Variants in RPL27 observed in about 807,000 individuals in gnomAD.
RPL27 encodes ribosomal protein L27, also known as large ribosomal subunit protein eL27.
For missense variants in RPL27, 131 were observed against 174.3 expected (o/e 0.75, Z 1.40); for synonymous variants, 77 against 61.0 (o/e 1.26, Z -1.22).
intron 3 of RPL27, 24 bp from the exon 4 acceptor site, chr17:43,002,649 C>T (rs1359703722): frequency 4.1e-6 from 6 of 1,475,084 alleles, no homozygotes; most frequent in South Asian, 1.1e-5. Flanking sequence ...TGGGCTAATC[C>T]TGCCTCTCCA....
Position 43,002,743 on chromosome 17 carries a change from C to T in RPL27, c.322C>T (p.Arg108Cys), listed in dbSNP as rs138826063. 103 of 1,613,588 alleles carry T rather than the reference C, an allele frequency of 6.4e-5. No homozygotes were observed. Among genetic ancestry groups the T allele is most frequent in the Non-Finnish European group, 7.9e-5 (93 of 1,179,790 alleles). Residue 108 changes from arginine (R) to cysteine (C), a missense_variant, in exon 4 of 5, where the codon CGC becomes TGC. Arg to Cys is a radical substitution (Grantham distance 180). Coordinates refer to ENST00000253788, the MANE Select transcript of RPL27 (RefSeq NM_000988.5). ...KDVFRDPALKRKARREAKVKF... is the reference protein window; with the variant it reads ...KDVFRDPALKCKARREAKVKF... ...TGTCTTCAGAGATCCTGCTCTTAAA[C>T]GCAAGGCCCGACGGGAGGCCAAGGT...
Position 43,002,945 on chromosome 17 carries a change from T to C in RPL27, c.*25T>C, listed in dbSNP as rs925310997. ...GATGCTTTGTTTTGATCATTAAAAA[T>C]TATAAAGAAAAAAAGCCTGTGTCTG... On this transcript the variant is annotated 3_prime_UTR_variant, in exon 5 of 5. Coordinates refer to ENST00000253788, the MANE Select transcript of RPL27 (RefSeq NM_000988.5). 5.7e-6 allele frequency: 9 copies of C among 1,581,484 alleles called. No individual in the cohort carries two copies. The highest frequency in any genetic ancestry group is 6.9e-6 in the Non-Finnish European group (8 of 1,151,830).
intron 2 of RPL27, chr17:42,999,720 C>T (rs1319655230): frequency 1.9e-6 from 1 of 535,560 alleles, no homozygotes; most frequent in Non-Finnish European, 3.3e-6. Flanking sequence ...AAATCTCTTA[C>T]CTCTAGTAAG....
intron 3 of RPL27, among the ~76,000 whole-genome samples, chr17:43,000,753 G>GT (rs1209907056): frequency 6.7e-6 from 1 of 148,860 alleles, no homozygotes; most frequent in Non-Finnish European, 1.5e-5. Flanking sequence ...CAGTACAAGT[G>GT]TTTTTTAAGA....
At chr17:43,002,143 A>G (rs529547911) in intron 3 of RPL27, among the ~76,000 whole-genome samples, 1 of 151,902 alleles carries the variant, frequency 6.6e-6, no homozygotes, top group African/African-American at 2.4e-5. Context: ...AAAATAAAGT[A>G]GTTGTGGGAA....
At chr17:43,002,231 T>C (rs551100133) in intron 3 of RPL27, among the ~76,000 whole-genome samples, 18 of 149,146 alleles carry the variant, frequency 1.2e-4, no homozygotes, top group East Asian at 3.9e-4. Flanking sequence ...TCAGGCCGGA[T>C]GCGGTGACTC....
intron 3 of RPL27, among the ~76,000 whole-genome samples, chr17:43,000,788 C>T (rs1255360805): frequency 6.6e-6 from 1 of 150,858 alleles, no homozygotes; most frequent in African/African-American, 2.4e-5. Context: ...GGCACAATGG[C>T]TCACGCCTGT....
intron 3 of RPL27, 49 bp downstream of exon 3, chr17:43,000,151 GAAT>G (rs2050344405): frequency 1.4e-6 from 2 of 1,403,798 alleles, no homozygotes; most frequent in Non-Finnish European, 2.0e-6. Context: ...CTGCTCTGTT[GAAT>G]AATGAGACAG....
intron 2 of RPL27, 125 bp downstream of exon 2, chr17:42,998,956 C>A: frequency 2.8e-6 from 2 of 723,852 alleles, no homozygotes; most frequent in South Asian, 1.6e-5. Flanking sequence ...TCAGGGTGAA[C>A]GTGGGAGAGT....
chr17:43,000,653 C>T, intron 3 of RPL27, among the ~76,000 whole-genome samples: 1 of 147,594 alleles, frequency 6.8e-6, no homozygotes, highest in Non-Finnish European at 1.5e-5. Flanking sequence ...ACCATGTTAG[C>T]CAGGATGGTC....
chr17:43,002,817 G>GGTTTCACTA (rs772230362), intron 4 of RPL27, 34 bp downstream of exon 4: 2 of 1,599,010 alleles, frequency 1.3e-6, no homozygotes, highest in South Asian at 1.1e-5. Context: ...GGTGGAGTAT[G>GGTTTCACTA]GTTTCACTAT....
At chr17:42,998,675 G>A in intron 1 of RPL27, 74 bp from the exon 2 acceptor site, 1 of 1,184,090 alleles carries the variant, frequency 8.4e-7, no homozygotes, top group South Asian at 1.2e-5. Flanking sequence ...ACCTGGGCTT[G>A]CTGGCAGGAG....
At chr17:43,001,084 C>T (rs1163481629) in intron 3 of RPL27, among the ~76,000 whole-genome samples, 1 of 152,142 alleles carries the variant, frequency 6.6e-6, no homozygotes, top group African/African-American at 2.4e-5. Flanking sequence ...TGGCTCACGC[C>T]TACAATCCCA....
At chr17:42,999,166 T>C (rs1051085993) in intron 2 of RPL27, 8 of 205,818 alleles carry the variant, frequency 3.9e-5, no homozygotes, top group Admixed American at 6.0e-5. Flanking sequence ...TTCTTTTCTT[T>C]TCTTTTTTTT....
rs1265436384 is a variant in RPL27 at position 43,002,899 on chromosome 17, C to T, written c.390C>T (p.Phe130=). 6.8e-6 allele frequency: 11 copies of T among 1,613,712 alleles called. No individual in the cohort carries two copies. The highest frequency in any genetic ancestry group is 9.3e-6 in the Non-Finnish European group (11 of 1,179,696). Reference sequence around the variant, plus strand: ...ACAAGACAGGCAAGAACAAGTGGTTCTTCCAGAAACTGCGGTTTTAGATGC... The same window carrying T: ...ACAAGACAGGCAAGAACAAGTGGTTTTTCCAGAAACTGCGGTTTTAGATGC... ...ERYKTGKNKW[F]FQKLRF Residue 130 remains phenylalanine, a synonymous_variant, in exon 5 of 5, where the codon TTC becomes TTT. Transcript: ENST00000253788.
intron 3 of RPL27, among the ~76,000 whole-genome samples, chr17:43,001,514 C>T (rs1454425479): frequency 3.3e-5 from 5 of 151,080 alleles, no homozygotes; most frequent in Admixed American, 6.6e-5. Flanking sequence ...CCAGCTATTC[C>T]GGAGGCTGAG....
intron 2 of RPL27, 134 bp downstream of exon 2, chr17:42,998,965 GT>G (rs1240168700): frequency 1.0e-5 from 7 of 685,950 alleles, no homozygotes; most frequent in Middle Eastern, 2.4e-4. Flanking sequence ...ACGTGGGAGA[GT>G]TTTTGAGAGA....
intron 2 of RPL27, 65 bp downstream of exon 2, chr17:42,998,896 C>A: frequency 7.2e-7 from 1 of 1,385,566 alleles, no homozygotes; most frequent in Non-Finnish European, 1.0e-6. Flanking sequence ...GCGGGGCGGG[C>A]AGGCTTGGAA....
At chr17:42,998,934 C>CAGTG (rs778258263) in intron 2 of RPL27, 103 bp downstream of exon 2, 2 of 834,498 alleles carry the variant, frequency 2.4e-6, no homozygotes, top group Non-Finnish European at 4.0e-6. Context: ...GGGCAGTAGC[C>CAGTG]AGTGAGCACG....
Sources: gnomAD v4.1 joint callset for allele counts (sites outside exome capture counted in the v4.1 genomes callset) on GRCh38, gnomAD v4.1.1 for gene constraint, MANE v1.5 for transcripts, NCBI Gene and HGNC (gene_info 2026-07-23, HGNC 2026-07-21) for gene names.